Variants in FER observed in about 807,000 individuals in gnomAD.
FER encodes FER tyrosine kinase, also known as tyrosine-protein kinase Fer.
Under a neutral mutation model 111.0 loss-of-function variants are expected in FER, and 63 were observed. That is an observed-to-expected ratio of 0.57 (90% CI 0.46 to 0.70). The LOEUF (loss-of-function observed/expected upper bound fraction) is 0.70. FER is among the 30% of genes least tolerant of loss of function. FER has a pLI of 0.00. For missense variants in FER, 914 were observed against 954.0 expected, an observed-to-expected ratio of 0.96 and a Z score of 0.55; for synonymous variants, 327 against 313.9, an observed-to-expected ratio of 1.04 and a Z score of -0.44.
chr5:109,135,649 C>T (rs1752811813), intron 17 of FER, among the ~76,000 whole-genome samples: 1 of 152,126 alleles, frequency 6.6e-6, no homozygotes, highest in African/African-American at 2.4e-5. Flanking sequence ...CACCAAAACT[C>T]TCTAAAAACA....
intron 12 of FER, among the ~76,000 whole-genome samples, chr5:108,957,799 G>A (rs1222788792): frequency 6.6e-6 from 1 of 151,568 alleles, no homozygotes; most frequent in Non-Finnish European, 1.5e-5. Flanking sequence ...CATGTTAATA[G>A]TTATTCAACT....
chr5:108,751,116 C>A (rs1750454105), intron 1 of FER, among the ~76,000 whole-genome samples: 3 of 152,184 alleles, frequency 2.0e-5, no homozygotes, highest in Middle Eastern at 6.8e-3. Flanking sequence ...CGCTTGAACC[C>A]GTGAGGCGGA....
chr5:108,872,326 G>T, intron 8 of FER, 114 bp downstream of exon 8: 1 of 987,602 alleles, frequency 1.0e-6, no homozygotes, highest in Non-Finnish European at 1.4e-6. Flanking sequence ...TAAATTTTTG[G>T]GGTCAGAGTG....
At chr5:108,954,974 T>C in intron 12 of FER, 42 bp downstream of exon 12, 1 of 1,489,104 alleles carries the variant, frequency 6.7e-7, no homozygotes, top group Middle Eastern at 2.4e-4. Context: ...TTGATGTAGT[T>C]CATTGCGGTA....
intron 1 of FER, among the ~76,000 whole-genome samples, chr5:108,760,959 C>G (rs960680214): frequency 6.6e-5 from 10 of 150,586 alleles, no homozygotes; most frequent in African/African-American, 2.4e-4. Flanking sequence ...GAGATGGAGT[C>G]TCGCTCTGTT....
chr5:109,196,523 AAAC>A lies in FER; in HGVS notation c.*8951_*8953del, dbSNP rs1192084255. 1.4e-4 allele frequency: 22 copies of A among 152,236 alleles called. No homozygotes were observed. Among genetic ancestry groups the A allele is most frequent in the African/African-American group, 5.3e-4 (22 of 41,462 alleles). The allele number at this position is 152,236 out of a possible 1,614,324, so 9.4% of individuals were successfully genotyped here. Reference sequence around the variant, plus strand: ...CTTTGGCGGGTTTATCTGGCTTTATAAACAAGTCTGAAAAATGGATGAAAGCTA... The same window carrying A: ...CTTTGGCGGGTTTATCTGGCTTTATAAAGTCTGAAAAATGGATGAAAGCTA... On this transcript the variant is annotated 3_prime_UTR_variant, in exon 20 of 20. Coordinates refer to ENST00000281092, the MANE Select transcript of FER (RefSeq NM_005246.4).
At chr5:109,015,489 T>C (rs1766955401) in intron 13 of FER, among the ~76,000 whole-genome samples, 1 of 152,154 alleles carries the variant, frequency 6.6e-6, no homozygotes, top group East Asian at 1.9e-4. Context: ...TGACAGCTTC[T>C]TGATACACTC....
At chr5:108,975,010 C>T (rs1265069720) in intron 13 of FER, among the ~76,000 whole-genome samples, 1 of 152,124 alleles carries the variant, frequency 6.6e-6, no homozygotes, top group Non-Finnish European at 1.5e-5. Context: ...CCCAAATGCT[C>T]ATCAATGATA....
chr5:108,845,019 T>TATATATATAC (rs1761804716), intron 5 of FER, among the ~76,000 whole-genome samples: 1 of 51,548 alleles, frequency 1.9e-5, no homozygotes, highest in Non-Finnish European at 3.8e-5. Flanking sequence ...TATATATATA[T>TATATATATAC]ATATATATAT....
intron 5 of FER, among the ~76,000 whole-genome samples, chr5:108,845,015 T>TATATATATATAC (rs1761792695): frequency 1.9e-5 from 1 of 52,570 alleles, no homozygotes; most frequent in East Asian, 7.8e-4. Flanking sequence ...TATATATATA[T>TATATATATATAC]ATATATATAT....
chr5:108,829,100 T>C (rs766197947), intron 3 of FER, among the ~76,000 whole-genome samples: 8 of 152,360 alleles, frequency 5.3e-5, no homozygotes, highest in Middle Eastern at 3.4e-3. Flanking sequence ...TTTGTTTCTT[T>C]GTTAAGCACC....
chr5:109,181,893 C>T (rs1278225313), intron 18 of FER, among the ~76,000 whole-genome samples: 1 of 152,204 alleles, frequency 6.6e-6, no homozygotes. Context: ...CACCAATAAG[C>T]ATCCTCCTCC....
intron 5 of FER, among the ~76,000 whole-genome samples, chr5:108,845,037 T>TACATATATATATATATATATATATATAC (rs1761840072): frequency 1.8e-5 from 1 of 54,214 alleles, no homozygotes; most frequent in Non-Finnish European, 3.5e-5. Flanking sequence ...TATATATATA[T>TACATATATATATATATATATATATATAC]ATACATATAT....
At chr5:108,838,604 C>G (rs1472428064) in intron 5 of FER, among the ~76,000 whole-genome samples, 1 of 151,950 alleles carries the variant, frequency 6.6e-6, no homozygotes, top group Non-Finnish European at 1.5e-5. Flanking sequence ...AACCCCTGAC[C>G]CCTGCTGTAT....
chr5:108,949,821 T>C (rs1757479663), intron 11 of FER, among the ~76,000 whole-genome samples: 1 of 151,942 alleles, frequency 6.6e-6, no homozygotes, highest in South Asian at 2.1e-4. Context: ...ACATTTTATA[T>C]GTAAAATATA....
At chr5:109,073,201 T>C (rs1775960917) in intron 16 of FER, among the ~76,000 whole-genome samples, 2 of 152,144 alleles carry the variant, frequency 1.3e-5, no homozygotes, top group Admixed American at 6.5e-5. Flanking sequence ...GATCTGTGTG[T>C]TTTATTGGGT....
At chr5:109,141,259 TTTA>T (rs1753494110) in intron 17 of FER, among the ~76,000 whole-genome samples, 1 of 152,200 alleles carries the variant, frequency 6.6e-6, no homozygotes, top group East Asian at 1.9e-4. Flanking sequence ...TTAACAATAT[TTTA>T]TTTTATCATG....
At chr5:108,917,318 G>A (rs188063758) in intron 10 of FER, among the ~76,000 whole-genome samples, 331 of 152,176 alleles carry the variant, frequency 2.2e-3, no homozygotes, top group Non-Finnish European at 3.5e-3. Flanking sequence ...GATAGGCCAT[G>A]CTTTTAAGGT....
chr5:108,988,674 T>C (rs751755490), intron 13 of FER, among the ~76,000 whole-genome samples: 10 of 152,154 alleles, frequency 6.6e-5, no homozygotes, highest in Admixed American at 1.3e-4. Flanking sequence ...ATCTTCTTTC[T>C]TATTTTCTGG....
Sources: allele counts gnomAD v4.1 joint callset (sites outside exome capture counted in the v4.1 genomes callset), GRCh38; gene constraint gnomAD v4.1.1; transcripts MANE v1.5; gene names NCBI Gene and HGNC (gene_info 2026-07-23, HGNC 2026-07-21).